Variants in LY96 observed in about 807,000 individuals in gnomAD.
LY96 encodes lymphocyte antigen 96.
LY96 carries 18 observed loss-of-function variants against 18.9 expected under a neutral mutation model. That is an observed-to-expected ratio of 0.95 (90% confidence interval 0.66 to 1.41). The LOEUF (loss-of-function observed/expected upper bound fraction) is 1.41, where lower values mean the gene tolerates loss of function less well. Ranked by LOEUF, LY96 falls within the 40% of genes most tolerant of loss-of-function variation. LY96 has a pLI of 0.00. For missense variants in LY96, 175 were observed against 182.4 expected (o/e 0.96, Z 0.23); for synonymous variants, 66 against 62.6 (o/e 1.06, Z -0.26).
chr8:74,069,949 AAAT>A, the LY96 span, among the ~76,000 whole-genome samples: 1 of 152,140 alleles, frequency 6.6e-6, no homozygotes, highest in African/African-American at 2.4e-5. Flanking sequence ...AGGAGCTGTG[AAAT>A]AATGAGTTTT....
the LY96 span, chr8:74,056,168 C>T: frequency 1.2e-5 from 2 of 167,902 alleles, no homozygotes; most frequent in East Asian, 1.8e-4. Context: ...GGACAAAAAC[C>T]ACCTGCCCAG....
rs1399282875 is a variant in LY96, at chr8:74,002,048, T to G, written c.113-2748T>G. Among the ~76,000 whole-genome samples, 67 of 38,468 alleles carry G rather than the reference T, an allele frequency of 1.7e-3. 8 individuals are homozygous for G. Among genetic ancestry groups the G allele is most frequent in the Admixed American group, 2.9e-3 (9 of 3,068 alleles). The allele number at this position is 38,468 out of a possible 152,430, so 25.2% of individuals were successfully genotyped here. On this transcript the variant is annotated intron_variant, in intron 1 of 4. Coordinates refer to ENST00000284818, the MANE Select transcript of LY96 (RefSeq NM_015364.5). The stretch of plus-strand genomic sequence containing the variant: ...CTTCCTTCCTTCCTTCCTTCCTTCC[T>G]TCCTTCCTTCCTTCCTTCCTTCCTT...
chr8:74,085,903 A>G, the LY96 span, among the ~76,000 whole-genome samples: 12 of 152,122 alleles, frequency 7.9e-5, no homozygotes, highest in African/African-American at 2.9e-4. Context: ...TAGCAAGAAC[A>G]TTTAGGGTCT....
At chr8:74,057,669 C>G in the LY96 span, among the ~76,000 whole-genome samples, 1 of 152,220 alleles carries the variant, frequency 6.6e-6, no homozygotes, top group African/African-American at 2.4e-5. Flanking sequence ...CACACTCCCA[C>G]TTAGGTTTCT....
the LY96 span, among the ~76,000 whole-genome samples, chr8:74,063,600 G>A: frequency 6.6e-6 from 1 of 151,806 alleles, no homozygotes; most frequent in Non-Finnish European, 1.5e-5. Flanking sequence ...TCACCTAGAA[G>A]GAAACTAATA....
intron 3 of LY96, among the ~76,000 whole-genome samples, chr8:74,015,413 T>C (rs182120647): frequency 7.2e-4 from 110 of 152,322 alleles, no homozygotes; most frequent in Admixed American, 1.6e-3. Flanking sequence ...TCCTAGCTTC[T>C]GGTGGCCTAA....
chr8:74,029,709 G>A (rs1047646226), downstream of LY96, among the ~76,000 whole-genome samples: 3 of 152,082 alleles, frequency 2.0e-5, no homozygotes, highest in Non-Finnish European at 4.4e-5. Flanking sequence ...ACCCAGGCTG[G>A]AGTGCAGTGG....
At chr8:74,010,477 G>T (rs1260827227) in intron 3 of LY96, among the ~76,000 whole-genome samples, 1 of 150,838 alleles carries the variant, frequency 6.6e-6, no homozygotes, top group Non-Finnish European at 1.5e-5. Context: ...TGCACCAAGG[G>T]ATAAAAAAAT....
At chr8:74,054,413 A>G in the LY96 span, among the ~76,000 whole-genome samples, 2 of 152,168 alleles carry the variant, frequency 1.3e-5, no homozygotes, top group African/African-American at 4.8e-5. Flanking sequence ...ATCTTATGCA[A>G]GTGGTAGGGC....
At chr8:74,049,737 T>C in the LY96 span, among the ~76,000 whole-genome samples, 3 of 152,328 alleles carry the variant, frequency 2.0e-5, no homozygotes, top group African/African-American at 7.2e-5. Flanking sequence ...AAGAGTTAAA[T>C]GTTATAATCT....
intron 2 of LY96, among the ~76,000 whole-genome samples, chr8:74,009,285 C>T (rs940687116): frequency 6.7e-6 from 1 of 148,266 alleles, no homozygotes; most frequent in African/African-American, 2.5e-5. Flanking sequence ...ATCCCAGCTA[C>T]TCCAGCGGCT....
chr8:74,051,730 A>G, the LY96 span, among the ~76,000 whole-genome samples: 6 of 152,180 alleles, frequency 3.9e-5, no homozygotes, highest in African/African-American at 1.4e-4. Context: ...GTGAGGACAT[A>G]GTGAAAAGTT....
At chr8:74,056,293 A>G in the LY96 span, 1 of 289,430 alleles carries the variant, frequency 3.5e-6, no homozygotes, top group Non-Finnish European at 6.5e-6. Context: ...TTTTGTGTTC[A>G]GCCAGCAATC....
chr8:74,046,376 A>G, the LY96 span, among the ~76,000 whole-genome samples: 1 of 152,062 alleles, frequency 6.6e-6, no homozygotes. Context: ...ACATTTGACA[A>G]CTCTTGGAAC....
the LY96 span, among the ~76,000 whole-genome samples, chr8:74,090,473 G>A: frequency 6.6e-6 from 1 of 152,268 alleles, no homozygotes; most frequent in Admixed American, 6.5e-5. Context: ...AAGAATGGAA[G>A]CAGAATACCT....
At chr8:74,011,977 A>G (rs545416646) in intron 3 of LY96, among the ~76,000 whole-genome samples, 5 of 141,286 alleles carry the variant, frequency 3.5e-5, no homozygotes, top group African/African-American at 1.4e-4. Context: ...AAAGCAAATT[A>G]AAGTTGCAAT....
chr8:74,095,818 G>T, the LY96 span, among the ~76,000 whole-genome samples: 1 of 152,040 alleles, frequency 6.6e-6, no homozygotes, highest in South Asian at 2.1e-4. Flanking sequence ...TGGTCTCATG[G>T]CTGTCTGTGC....
At chr8:74,053,729 G>A in the LY96 span, among the ~76,000 whole-genome samples, 5 of 152,210 alleles carry the variant, frequency 3.3e-5, no homozygotes, top group African/African-American at 1.2e-4. Context: ...GAATGTGTCT[G>A]CCAAATTTCA....
chr8:73,996,369 ATTCCTTTCTTTCTTTC>A (rs1412014653), intron 1 of LY96, among the ~76,000 whole-genome samples: 20 of 53,698 alleles, frequency 3.7e-4, no homozygotes, highest in African/African-American at 1.2e-3. Context: ...TCCTTCCTTC[ATTCCTTTCTTTCTTTC>A]TTTCTTTCTT....
Sources: allele counts gnomAD v4.1 joint callset (sites outside exome capture counted in the v4.1 genomes callset), GRCh38; gene constraint gnomAD v4.1.1; transcripts MANE v1.5; gene names NCBI Gene and HGNC (gene_info 2026-07-23, HGNC 2026-07-21).